LMO3: variants seen among roughly 807,000 people sequenced by gnomAD.
LMO3 encodes LIM domain only 3, also known as LIM domain only protein 3.
Under a neutral mutation model 15.8 loss-of-function variants are expected in LMO3, and 2 were observed. The ratio of observed to expected loss-of-function variants is 0.13; its 90% CI spans 0.05 to 0.40. The LOEUF is 0.40. Ranked by LOEUF, LMO3 falls within the 10% of genes least tolerant of loss-of-function variation. LMO3 has a pLI of 0.99. For synonymous variants in LMO3, 62 were observed against 63.8 expected, an observed-to-expected ratio of 0.97 and a Z score of 0.13; for missense variants, 86 against 182.2, an observed-to-expected ratio of 0.47 and a Z score of 3.04.
At chr12:16,577,801 G>C (rs1478130611) in intron 2 of LMO3, among the ~76,000 whole-genome samples, 1 of 152,122 alleles carries the variant, frequency 6.6e-6, no homozygotes, top group Admixed American at 6.6e-5. Context: ...GGTTGCCCAT[G>C]ATGGTTCTCT....
At chr12:16,594,017 A>C (rs1448902736) in intron 2 of LMO3, 1 of 822,938 alleles carries the variant, frequency 1.2e-6, no homozygotes, top group African/African-American at 1.7e-5. Flanking sequence ...TAGTTTTATA[A>C]AAGTTGTCCT....
chr12:16,601,419 G>T (rs980980570), intron 1 of LMO3, among the ~76,000 whole-genome samples: 3 of 152,102 alleles, frequency 2.0e-5, no homozygotes, highest in Non-Finnish European at 2.9e-5. Context: ...TACCCAAAAA[G>T]CTCACCAATC....
At chr12:16,607,399 T>C (rs1472048532), upstream of LMO3, 1 of 151,414 alleles carries the variant, frequency 6.6e-6, no homozygotes, top group Non-Finnish European at 1.5e-5. Flanking sequence ...TACTGCTTTG[T>C]CTTCACAGGC....
chr12:16,562,953 A>AT (rs1014860890), intron 2 of LMO3, among the ~76,000 whole-genome samples: 109 of 152,256 alleles, frequency 7.2e-4, no homozygotes, highest in African/African-American at 2.6e-3. Context: ...TGCATATGTG[A>AT]TTTTTAATCA....
intron 2 of LMO3, among the ~76,000 whole-genome samples, chr12:16,564,344 G>A (rs1942514134): frequency 6.6e-6 from 1 of 152,144 alleles, no homozygotes; most frequent in South Asian, 2.1e-4. Flanking sequence ...GTTTTTAAAG[G>A]TGCCAGAACA....
At chr12:16,566,992 C>T (rs902920314) in intron 2 of LMO3, among the ~76,000 whole-genome samples, 7 of 152,066 alleles carry the variant, frequency 4.6e-5, no homozygotes, top group Admixed American at 1.3e-4. Context: ...GTCAGGAGTT[C>T]GGGACCAGCC....
chr12:16,554,302 C>T (rs1225733177), intron 3 of LMO3, among the ~76,000 whole-genome samples: 4 of 152,150 alleles, frequency 2.6e-5, no homozygotes, highest in Non-Finnish European at 5.9e-5. Context: ...TTAGCCTAGC[C>T]ATCTTCTTTC....
chr12:16,593,556 G>A lies in LMO3; in HGVS notation c.206+7099C>T, dbSNP rs549553869. Among the ~76,000 whole-genome samples, 1 of 151,844 alleles carries A rather than the reference G, an allele frequency of 6.6e-6. No homozygotes were observed. The highest frequency in any genetic ancestry group is 2.4e-5 in the African/African-American group (1 of 41,516). ...TACATAACTACAAAAATACTGTTGA[G>A]AAGAAAAAGGTTTATCAAGAAGATT... On this transcript the variant is annotated intron_variant, in intron 2 of 3. Coordinates refer to ENST00000537304, the MANE Select transcript of LMO3 (RefSeq NM_018640.5). The surrounding 1 kb of genome is among the most constrained non-coding windows in gnomAD (Gnocchi z 4.2).
intron 3 of LMO3, among the ~76,000 whole-genome samples, chr12:16,557,887 T>C (rs1942252599): frequency 6.6e-6 from 1 of 152,084 alleles, no homozygotes; most frequent in African/African-American, 2.4e-5. Context: ...CTCTTCTCAC[T>C]ATAAATGTCA....
At chr12:16,556,105 A>T (rs1018149343) in intron 3 of LMO3, among the ~76,000 whole-genome samples, 4 of 151,924 alleles carry the variant, frequency 2.6e-5, no homozygotes, top group Non-Finnish European at 4.4e-5. Context: ...CTTTATTCTT[A>T]AAAAAAAGAA....
intron 2 of LMO3, among the ~76,000 whole-genome samples, chr12:16,569,508 C>G (rs1316147847): frequency 6.6e-6 from 1 of 152,132 alleles, no homozygotes. Flanking sequence ...TTTTCCAAAG[C>G]CTTACGAGCA....
At chr12:16,577,196 CATG>C (rs1943020665) in intron 2 of LMO3, among the ~76,000 whole-genome samples, 1 of 152,138 alleles carries the variant, frequency 6.6e-6, no homozygotes, top group South Asian at 2.1e-4. Flanking sequence ...TAACAAACAG[CATG>C]ATATTATATA....
chr12:16,594,653 T>TAA (rs1943594534), intron 2 of LMO3, among the ~76,000 whole-genome samples: 1 of 151,670 alleles, frequency 6.6e-6, no homozygotes, highest in Admixed American at 6.6e-5. Context: ...CCCCACAGTG[T>TAA]AATGAAGGGA....
At chr12:16,579,264 C>T (rs1168820495) in intron 2 of LMO3, among the ~76,000 whole-genome samples, 1 of 152,054 alleles carries the variant, frequency 6.6e-6, no homozygotes, top group Non-Finnish European at 1.5e-5. Flanking sequence ...AATTAGGAAA[C>T]CAAGAACAAG....
chr12:16,592,499 T>G (rs1943524914), intron 2 of LMO3, among the ~76,000 whole-genome samples: 1 of 152,032 alleles, frequency 6.6e-6, no homozygotes, highest in Admixed American at 6.6e-5. Flanking sequence ...GCATCTCACC[T>G]GTAAAATGCA....
intron 2 of LMO3, among the ~76,000 whole-genome samples, chr12:16,575,876 C>G (rs2137489085): frequency 6.6e-6 from 1 of 152,290 alleles, no homozygotes; most frequent in South Asian, 2.1e-4. Context: ...TGACATCCTT[C>G]TCTTCTGCAG....
rs559330590 is a variant in LMO3, at chr12:16,596,857, C to T, written c.206+3798G>A. Among the ~76,000 whole-genome samples, 1 of 151,680 alleles carries T rather than the reference C, an allele frequency of 6.6e-6. No homozygotes were observed. Among genetic ancestry groups the T allele is most frequent in the Non-Finnish European group, 1.5e-5 (1 of 67,680 alleles). ...AGACAATATCAATTTTAAGCTCCAA[C>T]TTAAAGTACAAAGATGTTTCTATAT... On this transcript the variant is annotated intron_variant, in intron 2 of 3. Transcript: ENST00000537304. This position sits in a 1 kb window ranked among gnomAD's most constrained non-coding sequence, Gnocchi z 4.3.
intron 1 of LMO3, chr12:16,605,263 C>T: frequency 8.1e-7 from 1 of 1,236,202 alleles, no homozygotes; most frequent in East Asian, 4.1e-5. Context: ...GTTAGCATAG[C>T]ATATCATGTT....
chr12:16,608,908 A>G (rs1170739750), upstream of LMO3, among the ~76,000 whole-genome samples: 3 of 152,232 alleles, frequency 2.0e-5, no homozygotes, highest in Non-Finnish European at 4.4e-5. The surrounding 1 kb of genome is among the most constrained non-coding windows in gnomAD (Gnocchi z 4.1). Context: ...GACTGATGAA[A>G]TGCATTAAAG....
Sources: gnomAD v4.1 joint callset for allele counts (sites outside exome capture counted in the v4.1 genomes callset) on GRCh38, gnomAD v4.1.1 for gene constraint, Gnocchi (gnomAD v3.1) non-coding constraint, MANE v1.5 for transcripts, NCBI Gene and HGNC (gene_info 2026-07-23, HGNC 2026-07-21) for gene names.